Variants in SNX24 observed in about 807,000 individuals in gnomAD.
SNX24 encodes sorting nexin-24.
Under a neutral mutation model 28.7 loss-of-function variants are expected in SNX24, and 22 were observed. The observed-to-expected ratio is 0.77, with a 90% confidence interval of 0.55 to 1.10. The LOEUF (loss-of-function observed/expected upper bound fraction) is 1.10. Among genes scored for constraint, SNX24 ranks in the 50% least tolerant of loss-of-function variants. The pLI, the probability that SNX24 is intolerant of heterozygous loss-of-function variation, is 0.00. For missense variants in SNX24, 221 were observed against 201.1 expected (o/e 1.10, Z -0.60); for synonymous variants, 69 against 71.5 (o/e 0.96, Z 0.18).
chr5:122,913,961 C>T (rs185713255), intron 1 of SNX24, among the ~76,000 whole-genome samples: 45 of 152,306 alleles, frequency 3.0e-4, no homozygotes, highest in Middle Eastern at 3.4e-3. Flanking sequence ...ATTACTAAAA[C>T]CAGTCAGGCG....
chr5:123,023,964 G>A, intron 5 of SNX24: 2 of 1,614,078 alleles, frequency 1.2e-6, no homozygotes, highest in Non-Finnish European at 1.7e-6. Flanking sequence ...GGACGGTCAT[G>A]CCCATCAGTT....
chr5:122,982,319 T>C (rs1444520116), intron 3 of SNX24, among the ~76,000 whole-genome samples: 2 of 152,238 alleles, frequency 1.3e-5, no homozygotes, highest in Non-Finnish European at 2.9e-5. Flanking sequence ...ACATGTTTAA[T>C]CATATTCTGC....
chr5:122,888,570 A>G (rs1355850268), intron 1 of SNX24, among the ~76,000 whole-genome samples: 1 of 152,222 alleles, frequency 6.6e-6, no homozygotes, highest in Non-Finnish European at 1.5e-5. Context: ...TATATTCAGA[A>G]TATTGCAGAT....
chr5:122,896,238 G>C (rs1403849243), intron 1 of SNX24, among the ~76,000 whole-genome samples: 3 of 152,172 alleles, frequency 2.0e-5, no homozygotes, highest in Non-Finnish European at 2.9e-5. Context: ...CACACATGTT[G>C]TAATTCCCTT....
At chr5:122,937,541 A>C (rs1188695608) in intron 2 of SNX24, among the ~76,000 whole-genome samples, 1 of 152,224 alleles carries the variant, frequency 6.6e-6, no homozygotes, top group African/African-American at 2.4e-5. Flanking sequence ...AATTATTTTA[A>C]TATCTAGAAA....
At chr5:122,908,741 T>C (rs1375602297) in intron 1 of SNX24, among the ~76,000 whole-genome samples, 1 of 152,146 alleles carries the variant, frequency 6.6e-6, no homozygotes, top group Non-Finnish European at 1.5e-5. Flanking sequence ...ATTCATGCAA[T>C]AGAATATTAT....
At chr5:122,864,297 T>G (rs930101489) in intron 1 of SNX24, among the ~76,000 whole-genome samples, 9 of 152,140 alleles carry the variant, frequency 5.9e-5, no homozygotes, top group African/African-American at 1.9e-4. Context: ...TAGGATCCAC[T>G]GATGGATTAG....
chr5:122,871,962 G>A (rs965653036), intron 1 of SNX24, among the ~76,000 whole-genome samples: 1 of 151,522 alleles, frequency 6.6e-6, no homozygotes, highest in Non-Finnish European at 1.5e-5. Flanking sequence ...CCCTTTTCTC[G>A]TAAGGATCTT....
intron 3 of SNX24, among the ~76,000 whole-genome samples, chr5:122,972,242 C>G (rs922624424): frequency 3.9e-5 from 6 of 152,206 alleles, no homozygotes; most frequent in Non-Finnish European, 1.5e-5. Flanking sequence ...CCCTCTGGAA[C>G]TGACACCTTT....
chr5:123,014,313 C>A lies in SNX24; in HGVS notation n.383+12309C>A, dbSNP rs140745092. Reference sequence around the variant, plus strand: ...TACCAAGTAGCTGGGACTACAGGCACACGCCACTGTGCCCAGCTGATTTTT... The same window carrying A: ...TACCAAGTAGCTGGGACTACAGGCAAACGCCACTGTGCCCAGCTGATTTTT... On this transcript the variant is annotated intron_variant and non_coding_transcript_variant, in intron 5 of 5. Coordinates refer to the SNX24 transcript ENST00000502387. Among the ~76,000 whole-genome samples the A allele has an allele frequency of 1.1e-4, 16 of 149,392 alleles. No individual in the cohort carries two copies. In the East Asian group the frequency reaches 3.0e-3, roughly 28 times the overall value.
intron 1 of SNX24, among the ~76,000 whole-genome samples, chr5:122,921,815 T>C (rs1404109757): frequency 6.6e-6 from 1 of 152,106 alleles, no homozygotes; most frequent in Non-Finnish European, 1.5e-5. Context: ...AAAAAAAAGC[T>C]TGCAAAATGA....
chr5:123,009,593 A>G (rs1221856412), downstream of SNX24, among the ~76,000 whole-genome samples: 3 of 152,242 alleles, frequency 2.0e-5, no homozygotes, highest in Admixed American at 2.0e-4. Context: ...GGCACACCTC[A>G]CAAGAGTGGG....
intron 1 of SNX24, 27 bp from the exon 2 acceptor site, chr5:122,936,707 A>T: frequency 7.6e-7 from 1 of 1,314,868 alleles, no homozygotes; most frequent in Non-Finnish European, 1.1e-6. Context: ...GAACTAATAT[A>T]ATTAATCTTT....
chr5:122,904,636 TC>T (rs1480773390), intron 1 of SNX24, among the ~76,000 whole-genome samples: 4 of 152,242 alleles, frequency 2.6e-5, no homozygotes, highest in African/African-American at 9.6e-5. Flanking sequence ...TACAGCTTTT[TC>T]TGTATTTTAT....
rs375936418 is a variant in SNX24, at chr5:122,917,877, T to G, written c.61-18857T>G. Among the ~76,000 whole-genome samples the G allele has an allele frequency of 4.0e-4, 61 of 152,008 alleles. 2 individuals are homozygous for G. Among genetic ancestry groups the G allele is most frequent in the Middle Eastern group, 3.4e-3 (1 of 294 alleles). ...GGGCGGATCACGAGGTCAGGAGATC[T>G]AGACCATCCTGGCTAACACGGTGAA... On this transcript the variant is annotated intron_variant, in intron 1 of 6. Coordinates refer to ENST00000261369, the MANE Select transcript of SNX24 (RefSeq NM_014035.4).
intron 1 of SNX24, among the ~76,000 whole-genome samples, chr5:122,924,928 C>G (rs1758612518): frequency 6.6e-6 from 1 of 151,956 alleles, no homozygotes; most frequent in Admixed American, 6.6e-5. Flanking sequence ...CGGGTAGTTT[C>G]TTATTGATTA....
At chr5:122,933,738 G>T (rs1331920672) in intron 1 of SNX24, among the ~76,000 whole-genome samples, 2 of 151,852 alleles carry the variant, frequency 1.3e-5, no homozygotes, top group Non-Finnish European at 2.9e-5. Context: ...TTTGTTGTTT[G>T]TTTGTTTGTT....
chr5:122,989,970 A>G (rs933593616), intron 3 of SNX24, among the ~76,000 whole-genome samples: 3 of 152,238 alleles, frequency 2.0e-5, no homozygotes, highest in Non-Finnish European at 4.4e-5. Context: ...GTTCTGTCCC[A>G]GTAGGCTACT....
rs17149755 is a variant in SNX24, at chr5:122,935,049, G to A, written c.61-1685G>A. On this transcript the variant is annotated intron_variant, in intron 1 of 6. Transcript: ENST00000261369. ...GTAGAGCCTTGCCGAGTTTTCAACC[G>A]TCTCCCTGTTTTATAGATTCTGTAG... Among the ~76,000 whole-genome samples, 1,275 of 152,260 alleles carry A rather than the reference G, an allele frequency of 8.4e-3. 9 individuals carry two copies. Among genetic ancestry groups the A allele is most frequent in the East Asian group, 0.059 (305 of 5,188 alleles).
Sources: gnomAD v4.1 joint callset for allele counts (sites outside exome capture counted in the v4.1 genomes callset) on GRCh38, gnomAD v4.1.1 for gene constraint, MANE v1.5 for transcripts, NCBI Gene and HGNC (gene_info 2026-07-23, HGNC 2026-07-21) for gene names.